BCAS3: variants seen among roughly 807,000 people sequenced by gnomAD.
BCAS3 encodes BCAS3 microtubule associated cell migration factor, also known as BCAS4/BCAS3 fusion.
BCAS3 carries 53 observed loss-of-function variants against 116.1 expected under a neutral mutation model. That is an observed-to-expected ratio of 0.46 (90% CI 0.37 to 0.57). BCAS3 has a LOEUF of 0.57. BCAS3 is among the 20% of genes least tolerant of loss of function. The pLI, the probability that BCAS3 is intolerant of heterozygous loss-of-function variation, is 0.00. For synonymous variants in BCAS3, 391 were observed against 408.2 expected (o/e 0.96, Z 0.51); for missense variants, 917 against 1,165.4 (o/e 0.79, Z 3.10).
chr17:60,966,394 T>G (rs1013559179), intron 14 of BCAS3, among the ~76,000 whole-genome samples: 4 of 152,206 alleles, frequency 2.6e-5, no homozygotes, highest in African/African-American at 7.2e-5. Context: ...TGTTTCTTTC[T>G]TAGTGCCTTC....
rs1382020075 is a variant in BCAS3 at position 61,217,190 on chromosome 17, G to A, written c.2425+132626G>A. Among the ~76,000 whole-genome samples the A allele has an allele frequency of 1.3e-5, 2 of 152,118 alleles. No homozygotes were observed. The highest frequency in any genetic ancestry group is 2.9e-5 in the Non-Finnish European group (2 of 68,038). Reference sequence around the variant, plus strand: ...CCCAGCTACTCAGGAGGCTGAGGCAGGAGAATCGCTTGAACCCAGGAGGCG... The same window carrying A: ...CCCAGCTACTCAGGAGGCTGAGGCAAGAGAATCGCTTGAACCCAGGAGGCG... On this transcript the variant is annotated intron_variant, in intron 22 of 23. Transcript: ENST00000407086. The surrounding 1 kb of genome is among the most constrained non-coding windows in gnomAD (Gnocchi z 5.2).
chr17:61,379,766 C>T lies in BCAS3; in HGVS notation c.2593+11272C>T, dbSNP rs2059515266. On this transcript the variant is annotated intron_variant, in intron 23 of 23. Coordinates refer to ENST00000407086, the MANE Select transcript of BCAS3 (RefSeq NM_017679.5). The surrounding 1 kb of genome is among the most constrained non-coding windows in gnomAD (Gnocchi z 5.5). The stretch of plus-strand genomic sequence containing the variant: ...TAGCCCGCTAGCTTGCAGTTCCACC[C>T]CTCTGCACCCTTCATTGAGTTTTGG... The T allele has an allele frequency of 6.5e-6, 1 of 152,690 alleles. No individual in the cohort carries two copies. The allele number at this position is 152,690 out of a possible 1,614,324, so 9.5% of individuals were successfully genotyped here.
intron 23 of BCAS3, among the ~76,000 whole-genome samples, chr17:61,369,369 T>C (rs1189382338): frequency 6.6e-6 from 1 of 152,198 alleles, no homozygotes; most frequent in Non-Finnish European, 1.5e-5. Flanking sequence ...TCTGTCACTC[T>C]GCTGTGCACT....
At position 61,239,424 on chromosome 17, in the gene BCAS3, CCT is replaced by C. The variant is rs2083300630; in HGVS notation, c.2426-128900_2426-128899del. On this transcript the variant is annotated intron_variant, in intron 22 of 23. Coordinates refer to ENST00000407086, the MANE Select transcript of BCAS3 (RefSeq NM_017679.5). This position sits in a 1 kb window ranked among gnomAD's most constrained non-coding sequence, Gnocchi z 4.2. ...TTTGTTTTTAATTCAATTTGCAAAG[CCT>C]CTAGCAGATAGTTCTGAAACCTTTG... 6.6e-6 allele frequency among the ~76,000 whole-genome samples: 1 copy of C among 152,258 alleles called. No individual in the cohort carries two copies. Among genetic ancestry groups the C allele is most frequent in the African/African-American group, 2.4e-5 (1 of 41,548 alleles).
rs1011338781 is a variant in BCAS3 at position 61,004,559 on chromosome 17, A to G, written c.1487-11192A>G. Among the ~76,000 whole-genome samples, 1 of 152,126 alleles carries G rather than the reference A, an allele frequency of 6.6e-6. No individual in the cohort carries two copies. The highest frequency in any genetic ancestry group is 1.5e-5 in the Non-Finnish European group (1 of 68,014). On this transcript the variant is annotated intron_variant, in intron 15 of 23. Transcript: ENST00000407086. This position sits in a 1 kb window ranked among gnomAD's most constrained non-coding sequence, Gnocchi z 4.8. ...GCAGGAACTAGAAATCTGCTAGTTG[A>G]TAGTTGTAAACTACAAAAGGACAAC... is the stretch of plus-strand genomic sequence containing the variant.
chr17:61,030,901 G>A (rs16944758), intron 16 of BCAS3, among the ~76,000 whole-genome samples: 7,833 of 151,824 alleles, frequency 0.052, 722 homozygotes, highest in African/African-American at 0.18. Context: ...AACAGGAATT[G>A]TCAGTAGAAA....
chr17:60,917,437 C>T (rs2145128381), intron 12 of BCAS3, among the ~76,000 whole-genome samples: 1 of 152,266 alleles, frequency 6.6e-6, no homozygotes, highest in Non-Finnish European at 1.5e-5. Flanking sequence ...TGGTTTATTT[C>T]ACTTAGCATA....
Position 61,208,233 on chromosome 17 carries a change from T to G in BCAS3, c.2425+123669T>G, listed in dbSNP as rs1268242627. 1.3e-5 allele frequency among the ~76,000 whole-genome samples: 2 copies of G among 152,188 alleles called. No individual in the cohort carries two copies. The highest frequency in any genetic ancestry group is 2.9e-5 in the Non-Finnish European group (2 of 68,038). ...TGGGCTTGGTATTTTAGTTATTGTA[T>G]TGTCTACTCATATATTTGACTTTTC... On this transcript the variant is annotated intron_variant, in intron 22 of 23. Coordinates refer to ENST00000407086, the MANE Select transcript of BCAS3 (RefSeq NM_017679.5). This position sits in a 1 kb window ranked among gnomAD's most constrained non-coding sequence, Gnocchi z 4.5.
chr17:61,193,565 C>G (rs557551697), intron 22 of BCAS3, among the ~76,000 whole-genome samples: 1 of 151,342 alleles, frequency 6.6e-6, no homozygotes, highest in Non-Finnish European at 1.5e-5. Flanking sequence ...TGAGACCAGT[C>G]TGACCAACAT....
At chr17:60,982,519 A>AT (rs372367762) in intron 14 of BCAS3, among the ~76,000 whole-genome samples, 106 of 152,234 alleles carry the variant, frequency 7.0e-4, no homozygotes, top group African/African-American at 2.4e-3. Flanking sequence ...TCTTAATTTC[A>AT]TTGGTCTCAT....
intron 12 of BCAS3, among the ~76,000 whole-genome samples, chr17:60,921,612 CAAAA>C (rs755864096): frequency 3.0e-5 from 1 of 33,322 alleles, no homozygotes; most frequent in Non-Finnish European, 8.1e-5. Flanking sequence ...GACTCCGTCT[CAAAA>C]AAAAAAAAAA....
chr17:60,802,371 C>CATACATATATATAT (rs1555724685), intron 6 of BCAS3, among the ~76,000 whole-genome samples: 1 of 111,946 alleles, frequency 8.9e-6, no homozygotes, highest in African/African-American at 3.8e-5. Context: ...TACATACATA[C>CATACATATATATAT]ATATATATAT....
At position 61,366,113 on chromosome 17, in the gene BCAS3, A is replaced by C. The variant is rs1459548421; in HGVS notation, c.2426-2214A>C. ...AGCCAAGATCATACCACTGCACTCC[A>C]TCCTGGGCGACAGAGTGAGACTGTC... On this transcript the variant is annotated intron_variant, in intron 22 of 23. Coordinates refer to ENST00000407086, the MANE Select transcript of BCAS3 (RefSeq NM_017679.5). This position sits in a 1 kb window ranked among gnomAD's most constrained non-coding sequence, Gnocchi z 4.5. 1.3e-5 allele frequency among the ~76,000 whole-genome samples: 2 copies of C among 150,450 alleles called. No individual in the cohort carries two copies. Among genetic ancestry groups the C allele is most frequent in the Non-Finnish European group, 3.0e-5 (2 of 67,760 alleles).
intron 5 of BCAS3, among the ~76,000 whole-genome samples, chr17:60,744,747 G>A (rs1019716281): frequency 6.7e-6 from 1 of 149,672 alleles, no homozygotes; most frequent in African/African-American, 2.5e-5. Flanking sequence ...TAGGACCATA[G>A]AGGTAATGAA....
chr17:61,221,919 T>C (rs561729167), intron 22 of BCAS3, among the ~76,000 whole-genome samples: 1 of 152,296 alleles, frequency 6.6e-6, no homozygotes, highest in East Asian at 1.9e-4. Context: ...GAAAATTACA[T>C]TGAGAATTCT....
At chr17:61,154,155 C>T (rs1172365369) in intron 22 of BCAS3, among the ~76,000 whole-genome samples, 9 of 151,996 alleles carry the variant, frequency 5.9e-5, no homozygotes, top group African/African-American at 9.7e-5. Flanking sequence ...TTTTCTTTTC[C>T]CTTGTTTTGT....
rs2048779560 is a variant in BCAS3, at chr17:61,256,378, A to ACTG, written c.2426-111947_2426-111945dup. ...GAGTGCAGCGGTGTGATCAAGGCTCACTGCAACCTCCGCCTCTGGGGTTCA... is the reference window on the plus strand; with the variant it reads ...GAGTGCAGCGGTGTGATCAAGGCTCACTGCTGCAACCTCCGCCTCTGGGGTTCA... On this transcript the variant is annotated intron_variant, in intron 22 of 23. Transcript: ENST00000407086. The surrounding 1 kb of genome is among the most constrained non-coding windows in gnomAD (Gnocchi z 5.6). Among the ~76,000 whole-genome samples the ACTG allele has an allele frequency of 6.6e-6, 1 of 152,148 alleles. No homozygotes were observed. The highest frequency in any genetic ancestry group is 6.5e-5 in the Admixed American group (1 of 15,274).
chr17:60,849,913 C>A (rs144998884), intron 7 of BCAS3, among the ~76,000 whole-genome samples: 6 of 152,040 alleles, frequency 3.9e-5, no homozygotes. Context: ...GGCGTGCTAC[C>A]GTGCCTCGCT....
chr17:60,746,554 A>T (rs1297074676), intron 5 of BCAS3, among the ~76,000 whole-genome samples: 1 of 152,186 alleles, frequency 6.6e-6, no homozygotes, highest in Non-Finnish European at 1.5e-5. Context: ...ATTTATGTGT[A>T]TAATAAAAAT....
Sources: allele counts gnomAD v4.1 joint callset (sites outside exome capture counted in the v4.1 genomes callset), GRCh38; gene constraint gnomAD v4.1.1; non-coding constraint Gnocchi (gnomAD v3.1); transcripts MANE v1.5; gene names NCBI Gene and HGNC (gene_info 2026-07-23, HGNC 2026-07-21).